The following SRGAP1 variants were observed in gnomAD, a reference collection of about 807,000 sequenced individuals.
The protein encoded by SRGAP1 is SLIT-ROBO Rho GTPase activating protein 1.
A neutral mutation model predicts 121.9 loss-of-function variants in SRGAP1; 43 were observed. The ratio of observed to expected loss-of-function variants is 0.35; its 90% confidence interval spans 0.28 to 0.46. The LOEUF (loss-of-function observed/expected upper bound fraction) is 0.46, where lower values mean the gene tolerates loss of function less well. Ranked by LOEUF, SRGAP1 falls within the 20% of genes least tolerant of loss-of-function variation. The pLI is 1.00. For synonymous variants in SRGAP1, 447 were observed against 485.4 expected, an observed-to-expected ratio of 0.92 and a Z score of 1.04; for missense variants, 1,102 against 1,350.9, an observed-to-expected ratio of 0.82 and a Z score of 2.89.
Position 64,154,752 on chromosome 12 carries a change from A to G in SRGAP1, c.*12080A>G, listed in dbSNP as rs778596430. On this transcript the variant is annotated 3_prime_UTR_variant, in exon 22 of 22. Transcript: ENST00000355086. ...AGCTCAGGGGAGGATTTCTGGCCAG[A>G]AGGTGTAAATTTGATATTTAAAGCT... 5 of 152,196 alleles carry G rather than the reference A, an allele frequency of 3.3e-5. No individual in the cohort carries two copies. Among genetic ancestry groups the G allele is most frequent in the Non-Finnish European group, 7.3e-5 (5 of 68,100 alleles). The allele number at this position is 152,196 out of a possible 1,614,324, so 9.4% of individuals were successfully genotyped here. A position where few individuals can be genotyped will look rare whatever the true frequency, so the allele number is the denominator to read the frequency against.
intron 19 of SRGAP1, 53 bp from the exon 20 acceptor site, chr12:64,127,537 T>C: frequency 6.5e-7 from 1 of 1,539,224 alleles, no homozygotes; most frequent in South Asian, 1.2e-5. Context: ...TAGCAAATTT[T>C]GTAAAATTTG....
intron 8 of SRGAP1, among the ~76,000 whole-genome samples, chr12:64,077,324 CAACAA>C (rs1481577327): frequency 1.3e-5 from 2 of 151,816 alleles, no homozygotes; most frequent in Non-Finnish European, 2.9e-5. Context: ...GTTGTCAAGT[CAACAA>C]AACAGACACA....
intron 21 of SRGAP1, among the ~76,000 whole-genome samples, chr12:64,132,187 G>T (rs190771365): frequency 9.6e-4 from 146 of 152,244 alleles, no homozygotes; most frequent in African/African-American, 3.3e-3. Context: ...AAGAAAAGGA[G>T]AGCAGTTATC....
Position 64,080,359 on chromosome 12 carries a change from C to G in SRGAP1, c.1397C>G (p.Thr466Ser), listed in dbSNP as rs758168487. ...GCCAAACATGACTTGCTGCAGAGGA[C>G]CCTGGGAGAAGGTGAGTTATCCAAA... ...LQAKHDLLQRTLGEGHRAEYM... is the reference protein window; with the variant it reads ...LQAKHDLLQRSLGEGHRAEYM... The change falls in exon 10 of 22, where the codon ACC (threonine) becomes AGC (serine). Residue 466 changes from threonine (T) to serine (S), a missense_variant. By Grantham distance (58) the Thr-to-Ser change is moderately conservative. Transcript: ENST00000355086. 6.2e-6 allele frequency: 10 copies of G among 1,613,216 alleles called. No individual in the cohort carries two copies. In the South Asian group the frequency reaches 1.1e-4, roughly 18 times the overall value.
intron 18 of SRGAP1, among the ~76,000 whole-genome samples, chr12:64,118,003 G>A (rs953858823): frequency 2.6e-5 from 4 of 152,130 alleles, no homozygotes; most frequent in Non-Finnish European, 4.4e-5. Flanking sequence ...TCATCTGTCC[G>A]TGGACATTTA....
Position 63,983,869 on chromosome 12 carries a change from G to A in SRGAP1, c.68-78G>A, listed in dbSNP as rs1195536407. 11 of 199,944 alleles carry A rather than the reference G, an allele frequency of 5.5e-5. No homozygotes were observed. In the South Asian group the frequency reaches 5.5e-4, roughly 10 times the overall value. The allele number at this position is 199,944 out of a possible 1,614,324, so 12.4% of individuals were successfully genotyped here. A position where few individuals can be genotyped will look rare whatever the true frequency, so the allele number is the denominator to read the frequency against. On this transcript the variant is annotated intron_variant, in intron 1 of 21. Coordinates refer to ENST00000355086, the MANE Select transcript of SRGAP1 (RefSeq NM_020762.4). ...ATATATATATATTTATATATATTTC[G>A]TGACTTATATCTTGCACATACCAGC...
chr12:64,086,768 C>T (rs1197600888), intron 10 of SRGAP1, among the ~76,000 whole-genome samples: 1 of 133,118 alleles, frequency 7.5e-6, no homozygotes, highest in African/African-American at 2.8e-5. Context: ...CCAAGTGAAA[C>T]ATGATTCTCA....
intron 1 of SRGAP1, among the ~76,000 whole-genome samples, chr12:63,936,061 T>C (rs967328451): frequency 2.6e-5 from 4 of 152,210 alleles, no homozygotes; most frequent in Non-Finnish European, 5.9e-5. Flanking sequence ...TTTCTTAATA[T>C]ATTTCTGAAT....
intron 1 of SRGAP1, among the ~76,000 whole-genome samples, chr12:63,848,733 T>A (rs1211487140): frequency 6.6e-6 from 1 of 152,146 alleles, no homozygotes; most frequent in African/African-American, 2.4e-5. Context: ...CTAAGTGTCT[T>A]TGAATCTAAT....
chr12:63,893,351 T>G (rs1001603285), intron 1 of SRGAP1, among the ~76,000 whole-genome samples: 1 of 152,170 alleles, frequency 6.6e-6, no homozygotes, highest in Non-Finnish European at 1.5e-5. Flanking sequence ...TTAGTAGTCA[T>G]TATATGTGTG....
chr12:64,101,307 G>C (rs148739651), intron 15 of SRGAP1, among the ~76,000 whole-genome samples: 1,762 of 141,842 alleles, frequency 0.012, 24 homozygotes, highest in African/African-American at 0.046. Context: ...TTGGGGAAAG[G>C]GGTGTGTGTG....
intron 1 of SRGAP1, among the ~76,000 whole-genome samples, chr12:63,877,266 A>C (rs1900059767): frequency 6.6e-6 from 1 of 152,110 alleles, no homozygotes; most frequent in African/African-American, 2.4e-5. Flanking sequence ...TGCTTCTTTA[A>C]TTGTGTAGTC....
Position 64,148,454 on chromosome 12 carries a change from G to GTATT in SRGAP1, c.*5784_*5787dup, listed in dbSNP as rs1565703725. ...CCGCCACCACACCCAGCTACTTTTC[G>GTATT]TATTTTTAGTGGAAACGGGGTTTCA... On this transcript the variant is annotated 3_prime_UTR_variant, in exon 22 of 22. Transcript: ENST00000355086. 6.6e-6 allele frequency: 1 copy of GTATT among 151,564 alleles called. No homozygotes were observed. Among genetic ancestry groups the GTATT allele is most frequent in the Non-Finnish European group, 1.5e-5 (1 of 67,912 alleles). The allele number at this position is 151,564 out of a possible 1,614,324, so 9.4% of individuals were successfully genotyped here.
chr12:63,954,436 T>A (rs972382288), intron 1 of SRGAP1, among the ~76,000 whole-genome samples: 1 of 152,120 alleles, frequency 6.6e-6, no homozygotes, highest in Non-Finnish European at 1.5e-5. Context: ...CCCAGCACTT[T>A]GGGAGGCTGA....
chr12:64,000,235 T>TA (rs2033835603), intron 3 of SRGAP1, among the ~76,000 whole-genome samples: 1 of 119,364 alleles, frequency 8.4e-6, no homozygotes, highest in Non-Finnish European at 1.8e-5. Flanking sequence ...TCAAGAAAGG[T>TA]AGGGGTGTGT....
chr12:64,093,331 T>G (rs1470110234), intron 12 of SRGAP1, among the ~76,000 whole-genome samples: 6 of 152,128 alleles, frequency 3.9e-5, no homozygotes, highest in Non-Finnish European at 8.8e-5. Context: ...GATCATAGCT[T>G]TTTTAAAAAG....
intron 15 of SRGAP1, 131 bp downstream of exon 15, chr12:64,097,506 T>G (rs1301649154): frequency 7.8e-6 from 8 of 1,022,278 alleles, no homozygotes; most frequent in Non-Finnish European, 1.1e-5. Flanking sequence ...CTGGGACCAT[T>G]TGTTTTCTTT....
At position 64,046,632 on chromosome 12, in the gene SRGAP1, T is replaced by C. The variant is rs1401630201; in HGVS notation, c.801+3057T>C. ...CTCCTAGGTTACTGATAATGCCATC[T>C]ACTGAGATGGGGGCCCCAGGGGAGA... On this transcript the variant is annotated intron_variant, in intron 6 of 21. Transcript: ENST00000355086. 3.3e-5 allele frequency among the ~76,000 whole-genome samples: 5 copies of C among 152,144 alleles called. No individual in the cohort carries two copies. The East Asian group carries it at 9.6e-4, about 29-fold the overall frequency.
At chr12:64,080,040 C>T (rs1213010822) in intron 9 of SRGAP1, among the ~76,000 whole-genome samples, 1 of 152,054 alleles carries the variant, frequency 6.6e-6, no homozygotes, top group Non-Finnish European at 1.5e-5. Flanking sequence ...GTCAAGAGTT[C>T]AAGACAAGCC....
Sources: allele counts gnomAD v4.1 joint callset (sites outside exome capture counted in the v4.1 genomes callset), GRCh38; gene constraint gnomAD v4.1.1; transcripts MANE v1.5; gene names NCBI Gene and HGNC (gene_info 2026-07-23, HGNC 2026-07-21).